Variants in LIN7B observed in about 807,000 individuals in gnomAD.
LIN7B encodes lin-7 cell polarity scaffold B, also known as protein lin-7 homolog B.
A neutral mutation model predicts 27.9 loss-of-function variants in LIN7B; 16 were observed. That is an observed-to-expected ratio of 0.57 (90% confidence interval 0.39 to 0.87). LIN7B has a LOEUF of 0.87. LIN7B is among the 40% of genes least tolerant of loss of function. The pLI, the probability that LIN7B is intolerant of heterozygous loss-of-function variation, is 0.00. For synonymous variants in LIN7B, 147 were observed against 120.8 expected, an observed-to-expected ratio of 1.22 and a Z score of -1.42; for missense variants, 291 against 288.5, an observed-to-expected ratio of 1.01 and a Z score of -0.06.
Position 49,115,282 on chromosome 19 carries a change from C to T in LIN7B, c.179C>T (p.Thr60Met). 6.4e-7 allele frequency: 1 copy of T among 1,563,014 alleles called. No individual in the cohort carries two copies. Among genetic ancestry groups the T allele is most frequent in the Non-Finnish European group, 8.7e-7 (1 of 1,152,878 alleles). ...CAGGTGTATGAGCAGCTTTATGACA[C>T]GCTGGACATCACCGGCAGCGCCGAG... ...IREVYEQLYD[T>M]LDITGSAEIR... The change falls in exon 3 of 6, where the codon ACG becomes ATG. Residue 60 changes from threonine to methionine, a missense_variant. Coordinates refer to ENST00000221459, the MANE Select transcript of LIN7B (RefSeq NM_022165.3).
intron 4 of LIN7B, 99 bp from the exon 5 acceptor site, chr19:49,117,756 G>A: frequency 9.6e-7 from 1 of 1,043,552 alleles, no homozygotes; most frequent in Non-Finnish European, 1.5e-6. Context: ...GACATCTCAG[G>A]GCTGGCACCA....
chr19:49,118,180 C>T, intron 5 of LIN7B, 162 bp downstream of exon 5: 1 of 1,359,580 alleles, frequency 7.4e-7, no homozygotes, highest in Non-Finnish European at 1.0e-6. Context: ...GCTAGTTTGG[C>T]CAAATCCCCT....
intron 5 of LIN7B, 38 bp from the exon 6 acceptor site, chr19:49,118,314 C>A: frequency 6.2e-7 from 1 of 1,613,194 alleles, no homozygotes; most frequent in South Asian, 1.1e-5. Flanking sequence ...TACCCGGAGC[C>A]TCCCTGATCC....
intron 4 of LIN7B, among the ~76,000 whole-genome samples, chr19:49,116,864 T>C (rs2040834171): frequency 6.6e-6 from 1 of 152,126 alleles, no homozygotes; most frequent in South Asian, 2.1e-4. Flanking sequence ...GAGGGTACTG[T>C]AGATAAGGAT....
chr19:49,117,710 G>A, intron 4 of LIN7B, 145 bp from the exon 5 acceptor site: 1 of 679,346 alleles, frequency 1.5e-6, no homozygotes, highest in South Asian at 1.8e-5. Context: ...ACTGAACCAG[G>A]AGTTAATGAC....
At chr19:49,115,114 T>C in intron 2 of LIN7B, 146 bp from the exon 3 acceptor site, 4 of 910,904 alleles carry the variant, frequency 4.4e-6, no homozygotes, top group Middle Eastern at 2.5e-4. Flanking sequence ...TCAGGGGTTC[T>C]TCGGGAGTTG....
In LIN7B at chr19:49,114,830, C is replaced by T. The variant is rs2040797733; in HGVS notation, c.38-19C>T. 2 of 1,389,772 alleles carry T rather than the reference C, an allele frequency of 1.4e-6. No individual in the cohort carries two copies. Among genetic ancestry groups the T allele is most frequent in the Non-Finnish European group, 9.4e-7 (1 of 1,061,346 alleles). 86.1% of individuals were successfully genotyped at this position (1,389,772 alleles called of 1,614,324 possible). ...GTCTCTGACACTCGGGGTTTCTGCG[C>T]CCCGCCCCCGCCCCGCAGACGTGTC... is the stretch of plus-strand genomic sequence containing the variant. On this transcript the variant is annotated intron_variant, in intron 1 of 5. Coordinates refer to ENST00000221459, the MANE Select transcript of LIN7B (RefSeq NM_022165.3).
intron 5 of LIN7B, 32 bp downstream of exon 5, chr19:49,118,050 C>T (rs1462412028): frequency 1.2e-6 from 2 of 1,610,232 alleles, no homozygotes; most frequent in Admixed American, 1.7e-5. Flanking sequence ...CCCCTGGGGC[C>T]TCCACGGGCT....
intron 5 of LIN7B, 139 bp from the exon 6 acceptor site, chr19:49,118,213 A>C: frequency 7.6e-7 from 1 of 1,314,614 alleles, no homozygotes; most frequent in South Asian, 1.3e-5. Context: ...GCTTCCTTCC[A>C]TCCCAAGATA....
At chr19:49,115,981 G>C in intron 3 of LIN7B, 1 of 324,806 alleles carries the variant, frequency 3.1e-6, no homozygotes, top group Non-Finnish European at 5.8e-6. Context: ...TTGCACTCCA[G>C]CCTGGGCAAC....
chr19:49,118,211 C>G, intron 5 of LIN7B, 141 bp from the exon 6 acceptor site: 1 of 1,314,992 alleles, frequency 7.6e-7, no homozygotes, highest in South Asian at 1.3e-5. Flanking sequence ...TAGCTTCCTT[C>G]CATCCCAAGA....
intron 3 of LIN7B, 92 bp downstream of exon 3, chr19:49,115,423 T>A: frequency 1.7e-6 from 2 of 1,179,538 alleles, no homozygotes; most frequent in Non-Finnish European, 2.4e-6. Context: ...GTTTCCTCCC[T>A]CATGATTTTT....
At position 49,117,767 on chromosome 19, in the gene LIN7B, G is replaced by A. The variant is rs2040853954; in HGVS notation, c.439-88G>A. On this transcript the variant is annotated intron_variant, in intron 4 of 5. Transcript: ENST00000221459. ...CATTGACATCTCAGGGCTGGCACCA[G>A]GCTCACTAGCAGTGGGTCCCATCTC... The A allele has an allele frequency of 3.4e-6, 4 of 1,180,192 alleles. No individual in the cohort carries two copies. The Admixed American group carries it at 7.2e-5, about 21-fold the overall frequency. The allele number at this position is 1,180,192 out of a possible 1,614,324, so 73.1% of individuals were successfully genotyped here.
At chr19:49,118,109 C>T (rs1600311672) in intron 5 of LIN7B, 91 bp downstream of exon 5, 1 of 1,548,754 alleles carries the variant, frequency 6.5e-7, no homozygotes, top group East Asian at 2.2e-5. Flanking sequence ...CTGGATCTTC[C>T]AGCCCTGGCC....
At chr19:49,115,420 C>T in intron 3 of LIN7B, 89 bp downstream of exon 3, 3 of 1,207,750 alleles carry the variant, frequency 2.5e-6, no homozygotes, top group Admixed American at 2.5e-5. Context: ...TCTGTTTCCT[C>T]CCTCATGATT....
At position 49,117,902 on chromosome 19, in the gene LIN7B, G is replaced by A; in HGVS notation, c.486G>A (p.Ala162=). The change falls in exon 5 of 6, where the codon GCG becomes GCA. Residue 162 remains alanine, a synonymous_variant. Transcript: ENST00000221459. ...AGAAGGCGGTGGAGCTGCTGAAGGC[G>A]GCCCAGGGCTCGGTGAAGCTGGTTG... ...QHEKAVELLK[A]AQGSVKLVVR... is the part of the protein sequence containing the mutation. 2 of 1,614,052 alleles carry A rather than the reference G, an allele frequency of 1.2e-6. No homozygotes were observed. Among genetic ancestry groups the A allele is most frequent in the Non-Finnish European group, 8.5e-7 (1 of 1,179,956 alleles).
chr19:49,116,298 C>T lies in LIN7B; in HGVS notation c.264C>T (p.His88=), dbSNP rs149077467. 29 of 1,613,966 alleles carry T rather than the reference C, an allele frequency of 1.8e-5. No individual in the cohort carries two copies. The highest frequency in any genetic ancestry group is 9.3e-5 in the African/African-American group (7 of 74,934). ...TVAAFTASEG[H]AHPRVVELPK... ...CTGCCTTCACAGCCAGCGAGGGCCACGCACATCCCAGGGTAGTGGAGCTAC... is the reference window on the plus strand; with the variant it reads ...CTGCCTTCACAGCCAGCGAGGGCCATGCACATCCCAGGGTAGTGGAGCTAC... Residue 88 remains histidine (H), a synonymous_variant, in exon 4 of 6, where the codon CAC becomes CAT. Coordinates refer to ENST00000221459, the MANE Select transcript of LIN7B (RefSeq NM_022165.3).
At chr19:49,117,598 G>A (rs1183543332) in intron 4 of LIN7B, among the ~76,000 whole-genome samples, 1 of 152,094 alleles carries the variant, frequency 6.6e-6, no homozygotes, top group Non-Finnish European at 1.5e-5. Flanking sequence ...AGTGGGCTGT[G>A]GGCAGGGAGG....
In LIN7B at chr19:49,117,844, G is replaced by A. The variant is rs762430492; in HGVS notation, c.439-11G>A. 1 of 1,612,592 alleles carries A rather than the reference G, an allele frequency of 6.2e-7. No homozygotes were observed. Among genetic ancestry groups the A allele is most frequent in the South Asian group, 1.1e-5 (1 of 91,028 alleles). On this transcript the variant is annotated splice_polypyrimidine_tract_variant and intron_variant, in intron 4 of 5. Transcript: ENST00000221459. ...GGCCCCAGGCTCAGCTGTCTGTGTTGGGCCCTGCAGAGCGTTGAGGGTGAG... is the reference window on the plus strand; with the variant it reads ...GGCCCCAGGCTCAGCTGTCTGTGTTAGGCCCTGCAGAGCGTTGAGGGTGAG...
Sources: gnomAD v4.1 joint callset for allele counts (sites outside exome capture counted in the v4.1 genomes callset) on GRCh38, gnomAD v4.1.1 for gene constraint, MANE v1.5 for transcripts, NCBI Gene and HGNC (gene_info 2026-07-23, HGNC 2026-07-21) for gene names.